Variants in COQ9 observed in about 807,000 individuals in gnomAD.
The protein encoded by COQ9 is ubiquinone biosynthesis protein COQ9, mitochondrial.
COQ9 carries 35 observed loss-of-function variants against 42.4 expected under a neutral mutation model. That is an observed-to-expected ratio of 0.83 (90% CI 0.63 to 1.10). The LOEUF is 1.10. Among genes scored for constraint, COQ9 ranks in the 50% least tolerant of loss-of-function variants. COQ9 has a pLI of 0.00. For missense variants in COQ9, 406 were observed against 414.6 expected, an observed-to-expected ratio of 0.98 and a Z score of 0.18; for synonymous variants, 155 against 155.1, an observed-to-expected ratio of 1.00 and a Z score of 0.00.
chr16:57,455,941 C>T (rs911860288), intron 3 of COQ9, among the ~76,000 whole-genome samples: 5 of 151,932 alleles, frequency 3.3e-5, no homozygotes, highest in Non-Finnish European at 4.4e-5. Flanking sequence ...TAGCCAGATG[C>T]GGTGGCGCAT....
At chr16:57,454,594 G>C (rs1330215459) in intron 3 of COQ9, among the ~76,000 whole-genome samples, 1 of 152,180 alleles carries the variant, frequency 6.6e-6, no homozygotes, top group African/African-American at 2.4e-5. Context: ...GTAGGTCAAG[G>C]CTGCAGTGAG....
chr16:57,458,960 C>T (rs1174808065), intron 6 of COQ9, among the ~76,000 whole-genome samples: 3 of 152,192 alleles, frequency 2.0e-5, no homozygotes, highest in Non-Finnish European at 4.4e-5. Flanking sequence ...TTTTAATAAA[C>T]TTCCTCCATG....
intron 5 of COQ9, chr16:57,457,255 A>G (rs1319452137): frequency 5.1e-6 from 3 of 591,496 alleles, no homozygotes; most frequent in Non-Finnish European, 9.4e-6. Context: ...ACTGGATCCC[A>G]TCCTGGGTGG....
At chr16:57,456,223 C>T (rs2030398319) in intron 3 of COQ9, among the ~76,000 whole-genome samples, 1 of 152,114 alleles carries the variant, frequency 6.6e-6, no homozygotes, top group Non-Finnish European at 1.5e-5. Context: ...AAAGCAGCTG[C>T]AGGCTTAGTT....
At position 57,454,524 on chromosome 16, in the gene COQ9, G is replaced by A. The variant is rs548040416; in HGVS notation, c.378+1588G>A. 6.8e-4 allele frequency among the ~76,000 whole-genome samples: 104 copies of A among 152,288 alleles called. 5 individuals carry two copies. In the South Asian group the frequency reaches 0.02, roughly 29 times the overall value. On this transcript the variant is annotated intron_variant, in intron 3 of 8. Coordinates refer to ENST00000262507, the MANE Select transcript of COQ9 (RefSeq NM_020312.4). Reference sequence around the variant, plus strand: ...AATACAAAAATTAGCCAGGCATGGTGGTGCTTGCCTGTGGTCCCAGCTACC... The same window carrying A: ...AATACAAAAATTAGCCAGGCATGGTAGTGCTTGCCTGTGGTCCCAGCTACC...
rs2030154707 is a variant in COQ9, at chr16:57,447,592, CAAGCCGGGGA to C, written c.73+15_73+24del. On this transcript the variant is annotated intron_variant, in intron 1 of 8. Coordinates refer to ENST00000262507, the MANE Select transcript of COQ9 (RefSeq NM_020312.4). ...GATGCCTGCCCGGTGAGGGGGCTGC[CAAGCCGGGGA>C]GAGGCGGGGAGCGCGGAGGGGGCGC... 1.6e-6 allele frequency: 2 copies of C among 1,259,090 alleles called. No homozygotes were observed. Among genetic ancestry groups the C allele is most frequent in the Admixed American group, 8.0e-5 (2 of 25,002 alleles). The allele number at this position is 1,259,090 out of a possible 1,614,324, so 78.0% of individuals were successfully genotyped here.
intron 5 of COQ9, among the ~76,000 whole-genome samples, chr16:57,457,718 A>T (rs2030437653): frequency 6.6e-6 from 1 of 152,200 alleles, no homozygotes; most frequent in African/African-American, 2.4e-5. Context: ...AAAGCAGTGG[A>T]AGTGCACGTA....
Position 57,447,591 on chromosome 16 carries a change from C to T in COQ9, c.73+13C>T, listed in dbSNP as rs1161045838. On this transcript the variant is annotated intron_variant, in intron 1 of 8. Transcript: ENST00000262507. ...CGATGCCTGCCCGGTGAGGGGGCTGCCAAGCCGGGGAGAGGCGGGGAGCGC... is the reference window on the plus strand; with the variant it reads ...CGATGCCTGCCCGGTGAGGGGGCTGTCAAGCCGGGGAGAGGCGGGGAGCGC... 7.9e-7 allele frequency: 1 copy of T among 1,260,304 alleles called. No individual in the cohort carries two copies. The highest frequency in any genetic ancestry group is 1.0e-6 in the Non-Finnish European group (1 of 1,000,406). 78.1% of individuals were successfully genotyped at this position (1,260,304 alleles called of 1,614,324 possible).
chr16:57,454,031 T>C (rs1301088800), intron 3 of COQ9: 3 of 152,170 alleles, frequency 2.0e-5, no homozygotes, highest in Non-Finnish European at 2.9e-5. Flanking sequence ...ATGTGGTAAG[T>C]GCTATCAAGG....
At chr16:57,448,282 T>C (rs1400570163) in intron 1 of COQ9, among the ~76,000 whole-genome samples, 1 of 152,186 alleles carries the variant, frequency 6.6e-6, no homozygotes, top group African/African-American at 2.4e-5. Context: ...TTGTGCCGTA[T>C]CTTTCAGTAC....
At chr16:57,448,268 A>T (rs2030182818) in intron 1 of COQ9, among the ~76,000 whole-genome samples, 1 of 151,630 alleles carries the variant, frequency 6.6e-6, no homozygotes, top group African/African-American at 2.4e-5. Flanking sequence ...AGTTTTGCGG[A>T]TATTTGTGCC....
chr16:57,449,943 A>G (rs1224709669), intron 1 of COQ9, among the ~76,000 whole-genome samples: 9 of 151,802 alleles, frequency 5.9e-5, no homozygotes, highest in African/African-American at 1.7e-4. Context: ...TCTGAATAAC[A>G]AAACAGTGAA....
chr16:57,458,454 G>T, intron 6 of COQ9, 104 bp downstream of exon 6: 1 of 848,536 alleles, frequency 1.2e-6, no homozygotes. Flanking sequence ...CTGCAGGGGG[G>T]CTGCAGTGTC....
chr16:57,453,960 CCCT>C (rs2030346156), intron 3 of COQ9: 1 of 152,188 alleles, frequency 6.6e-6, no homozygotes, highest in South Asian at 2.1e-4. Context: ...CTGCTTCCTG[CCCT>C]TGTTGAGCTT....
chr16:57,447,645 G>T, intron 1 of COQ9, 67 bp downstream of exon 1: 1 of 1,198,736 alleles, frequency 8.3e-7, no homozygotes. Context: ...GCTTCAGCTG[G>T]GTTCGACGGT....
At chr16:57,455,448 A>G (rs1362890784) in intron 3 of COQ9, among the ~76,000 whole-genome samples, 2 of 150,426 alleles carry the variant, frequency 1.3e-5, no homozygotes, top group Non-Finnish European at 3.0e-5. Context: ...GAGATTGTCC[A>G]GGGCAAGAAT....
At chr16:57,450,736 T>G in intron 1 of COQ9, 1 of 443,830 alleles carries the variant, frequency 2.3e-6, no homozygotes, top group Non-Finnish European at 4.2e-6. Flanking sequence ...ATTATTACTC[T>G]AAATTTGCAG....
At chr16:57,450,632 G>A (rs2030263199) in intron 1 of COQ9, among the ~76,000 whole-genome samples, 1 of 152,158 alleles carries the variant, frequency 6.6e-6, no homozygotes, top group Non-Finnish European at 1.5e-5. Context: ...TACTATTCCA[G>A]AGCTCTTGCC....
Position 57,460,578 on chromosome 16 carries a change from T to C in COQ9, c.922-11T>C. On this transcript the variant is annotated splice_polypyrimidine_tract_variant and intron_variant, in intron 8 of 8. Coordinates refer to ENST00000262507, the MANE Select transcript of COQ9 (RefSeq NM_020312.4). Reference sequence around the variant, plus strand: ...CCCTCACTATTCTCTTTATTTCCATTCCCGTGTCAGCTCAAGAACTTGACA... The same window carrying C: ...CCCTCACTATTCTCTTTATTTCCATCCCCGTGTCAGCTCAAGAACTTGACA... 1 of 1,613,764 alleles carries C rather than the reference T, an allele frequency of 6.2e-7. No homozygotes were observed. The highest frequency in any genetic ancestry group is 8.5e-7 in the Non-Finnish European group (1 of 1,179,718).
Sources: allele counts gnomAD v4.1 joint callset (sites outside exome capture counted in the v4.1 genomes callset), GRCh38; gene constraint gnomAD v4.1.1; transcripts MANE v1.5; gene names NCBI Gene and HGNC (gene_info 2026-07-23, HGNC 2026-07-21).